RCAN2: variants seen among roughly 807,000 people sequenced by gnomAD.
RCAN2 encodes calcipressin-2.
Under a neutral mutation model 23.6 loss-of-function variants are expected in RCAN2, and 9 were observed. That is an observed-to-expected ratio of 0.38 (90% CI 0.23 to 0.67). RCAN2 has a LOEUF of 0.67. Ranked by LOEUF, RCAN2 falls within the 30% of genes least tolerant of loss-of-function variation. The pLI is 0.51. For missense variants in RCAN2, 273 were observed against 302.3 expected (o/e 0.90, Z 0.72); for synonymous variants, 109 against 115.7 (o/e 0.94, Z 0.37).
chr6:46,390,323 T>C (rs1475152088), intron 2 of RCAN2, among the ~76,000 whole-genome samples: 1 of 152,212 alleles, frequency 6.6e-6, no homozygotes, highest in African/African-American at 2.4e-5. Flanking sequence ...GTTAATAGTC[T>C]ACACATCATG....
intron 2 of RCAN2, among the ~76,000 whole-genome samples, chr6:46,448,789 T>C (rs925629822): frequency 6.6e-6 from 1 of 151,838 alleles, no homozygotes; most frequent in Non-Finnish European, 1.5e-5. Context: ...TCTTTCACAA[T>C]AAAAATTCTC....
chr6:46,304,563 G>T (rs2396636), intron 2 of RCAN2, among the ~76,000 whole-genome samples: 1 of 151,942 alleles, frequency 6.6e-6, no homozygotes, highest in Non-Finnish European at 1.5e-5. Context: ...CTGTTTATTT[G>T]ACAGTGTGTA....
intron 4 of RCAN2, among the ~76,000 whole-genome samples, chr6:46,238,359 C>T (rs1766180549): frequency 6.6e-6 from 1 of 152,082 alleles, no homozygotes; most frequent in South Asian, 2.1e-4. Context: ...GTGGTTCTCA[C>T]ATAAGAATGT....
rs372544155 is a variant in RCAN2 at position 46,246,737 on chromosome 6, G to A, written c.571+11C>T. On this transcript the variant is annotated intron_variant, in intron 4 of 4. Transcript: ENST00000371374. Reference sequence around the variant, plus strand: ...CAAACGTTTATTTTTAAAATGGACCGCAAAGCTTACCTGGTCCTAGTTTGG... The same window carrying A: ...CAAACGTTTATTTTTAAAATGGACCACAAAGCTTACCTGGTCCTAGTTTGG... The A allele has an allele frequency of 3.0e-5, 48 of 1,608,732 alleles. No individual in the cohort carries two copies. Among genetic ancestry groups the A allele is most frequent in the Middle Eastern group, 1.7e-4 (1 of 5,848 alleles).
intron 2 of RCAN2, among the ~76,000 whole-genome samples, chr6:46,256,829 G>C (rs1766933998): frequency 6.6e-6 from 1 of 152,198 alleles, no homozygotes; most frequent in Non-Finnish European, 1.5e-5. Context: ...CCAAGAAGGA[G>C]GTCTGTTCCA....
intron 2 of RCAN2, among the ~76,000 whole-genome samples, chr6:46,300,845 T>C (rs1582081888): frequency 1.3e-5 from 2 of 152,170 alleles, no homozygotes; most frequent in East Asian, 3.9e-4. Context: ...TGAGGTCTTA[T>C]TTTCAGATTT....
chr6:46,431,140 T>C (rs1767187325), intron 2 of RCAN2, among the ~76,000 whole-genome samples: 1 of 145,292 alleles, frequency 6.9e-6, no homozygotes, highest in South Asian at 2.2e-4. Context: ...TGTGTGTGTC[T>C]GTGTGTGTGT....
At chr6:46,280,569 T>C (rs559136276) in intron 2 of RCAN2, among the ~76,000 whole-genome samples, 26 of 152,264 alleles carry the variant, frequency 1.7e-4, no homozygotes, top group Non-Finnish European at 1.8e-4. Context: ...CCAATAACCA[T>C]GTTATAACGT....
At chr6:46,382,863 C>T (rs760063595) in intron 2 of RCAN2, among the ~76,000 whole-genome samples, 6 of 152,166 alleles carry the variant, frequency 3.9e-5, no homozygotes, top group Non-Finnish European at 5.9e-5. Context: ...ATAAACCTTT[C>T]TCTTTGAATG....
chr6:46,268,045 G>T (rs1767398780), intron 2 of RCAN2, among the ~76,000 whole-genome samples: 1 of 152,106 alleles, frequency 6.6e-6, no homozygotes, highest in African/African-American at 2.4e-5. Flanking sequence ...GGTCATATAT[G>T]CAATAAACAA....
In RCAN2 at chr6:46,349,629, G is replaced by A. The variant is rs148976287; in HGVS notation, c.226-100733C>T. Among the ~76,000 whole-genome samples the A allele has an allele frequency of 6.6e-5, 10 of 151,180 alleles. No homozygotes were observed. In the East Asian group the frequency reaches 1.2e-3, roughly 18 times the overall value. ...GGGAAAGGCAGAACTGTTCTACTCCGGAGTCTTCCTTTAATCTTCTCTTTT... is the reference window on the plus strand; with the variant it reads ...GGGAAAGGCAGAACTGTTCTACTCCAGAGTCTTCCTTTAATCTTCTCTTTT... On this transcript the variant is annotated intron_variant, in intron 2 of 4. Transcript: ENST00000371374.
At chr6:46,485,176 T>TGTTCAACAATC (rs1768964448) in intron 1 of RCAN2, among the ~76,000 whole-genome samples, 3 of 152,182 alleles carry the variant, frequency 2.0e-5, no homozygotes, top group African/African-American at 7.2e-5. Flanking sequence ...TCTTAAATAA[T>TGTTCAACAATC]TGGGAACAAT....
rs779804047 is a variant in RCAN2 at position 46,325,428 on chromosome 6, C to T, written c.226-76532G>A. On this transcript the variant is annotated intron_variant, in intron 2 of 4. Coordinates refer to ENST00000371374, the MANE Select transcript of RCAN2 (RefSeq NM_001251974.2). Reference sequence around the variant, plus strand: ...TGATTGGTAAAGACCTCGACATCCACCACACAGGCAACCAGAGTGGAAACA... The same window carrying T: ...TGATTGGTAAAGACCTCGACATCCATCACACAGGCAACCAGAGTGGAAACA... 1 of 1,614,216 alleles carries T rather than the reference C, an allele frequency of 6.2e-7. No homozygotes were observed. Among genetic ancestry groups the T allele is most frequent in the Non-Finnish European group, 8.5e-7 (1 of 1,180,038 alleles).
chr6:46,257,495 A>G (rs547851079), intron 2 of RCAN2, among the ~76,000 whole-genome samples: 2 of 152,258 alleles, frequency 1.3e-5, no homozygotes, highest in South Asian at 2.1e-4. Flanking sequence ...AAACTTAACA[A>G]TCGTGGTGGA....
At chr6:46,294,206 T>C (rs931228803) in intron 2 of RCAN2, among the ~76,000 whole-genome samples, 2 of 152,180 alleles carry the variant, frequency 1.3e-5, no homozygotes, top group Non-Finnish European at 2.9e-5. Flanking sequence ...CATGCATAGA[T>C]GATTCACGGA....
intron 2 of RCAN2, among the ~76,000 whole-genome samples, chr6:46,413,860 G>T (rs187038803): frequency 6.6e-6 from 1 of 152,168 alleles, no homozygotes; most frequent in Non-Finnish European, 1.5e-5. Context: ...ACCTAATATC[G>T]TCGGTGGGAT....
At chr6:46,413,189 T>G (rs1766595061) in intron 2 of RCAN2, among the ~76,000 whole-genome samples, 1 of 152,116 alleles carries the variant, frequency 6.6e-6, no homozygotes, top group African/African-American at 2.4e-5. Context: ...AATTTTCAAC[T>G]AAGGAGGAGA....
Position 46,248,875 on chromosome 6 carries a change from G to T in RCAN2, c.247C>A (p.Arg83=). 1 of 1,604,934 alleles carries T rather than the reference G, an allele frequency of 6.2e-7. No homozygotes were observed. The highest frequency in any genetic ancestry group is 8.5e-7 in the Non-Finnish European group (1 of 1,176,722). The change falls in exon 3 of 5, where the codon CGG becomes AGG. Residue 83 remains arginine (R), a synonymous_variant. Coordinates refer to ENST00000371374, the MANE Select transcript of RCAN2 (RefSeq NM_001251974.2). ...AACGTCACACAGTCATCATAAGTCC[G>T]AAACAGTCCCTCAAATTTTTCCTGA... ...ESKEKFEGLF[R]TYDDCVTFQL... is the part of the protein sequence containing the mutation.
At chr6:46,270,158 G>A (rs1307829785) in intron 2 of RCAN2, among the ~76,000 whole-genome samples, 3 of 152,076 alleles carry the variant, frequency 2.0e-5, no homozygotes, top group Non-Finnish European at 4.4e-5. Flanking sequence ...ACAGGCTTCA[G>A]GACACAGAAG....
Sources: gnomAD v4.1 joint callset for allele counts (sites outside exome capture counted in the v4.1 genomes callset) on GRCh38, gnomAD v4.1.1 for gene constraint, MANE v1.5 for transcripts, NCBI Gene and HGNC (gene_info 2026-07-23, HGNC 2026-07-21) for gene names.